The following CETP variants were observed in gnomAD, a reference collection of about 807,000 sequenced individuals.
CETP encodes the protein BPI fold containing family F.
Under a neutral mutation model 66.5 loss-of-function variants are expected in CETP, and 56 were observed. The observed-to-expected ratio is 0.84, with a 90% CI of 0.68 to 1.05. The LOEUF is 1.05. CETP is among the 50% of genes least tolerant of loss of function. CETP has a pLI of 0.00. For synonymous variants in CETP, 251 were observed against 245.7 expected, an observed-to-expected ratio of 1.02 and a Z score of -0.20; for missense variants, 612 against 609.6, an observed-to-expected ratio of 1.00 and a Z score of -0.04.
Position 56,962,999 on chromosome 16 carries a change from CT to C in CETP, c.119-10del. ...GGCCTGCAGCCCCTCATCCACTGCC[CT>C]CCCCTCTAGTGAACCACGAGACTGC... is the stretch of plus-strand genomic sequence containing the variant. On this transcript the variant is annotated splice_polypyrimidine_tract_variant and intron_variant, in intron 1 of 15. Transcript: ENST00000200676. The C allele has an allele frequency of 6.2e-7, 1 of 1,612,306 alleles. No homozygotes were observed. Among genetic ancestry groups the C allele is most frequent in the Admixed American group, 1.7e-5 (1 of 60,020 alleles).
chr16:56,974,237 A>G (rs1461660158), intron 9 of CETP, among the ~76,000 whole-genome samples: 1 of 152,216 alleles, frequency 6.6e-6, no homozygotes, highest in Non-Finnish European at 1.5e-5. Flanking sequence ...CCAGGAGTTC[A>G]AGACCAGCCT....
intron 2 of CETP, among the ~76,000 whole-genome samples, chr16:56,966,967 C>A (rs2056071644): frequency 6.6e-6 from 1 of 151,990 alleles, no homozygotes; most frequent in Non-Finnish European, 1.5e-5. Context: ...TTATTGTATT[C>A]TGTGCGGAGG....
At chr16:56,979,621 G>A (rs530845144) in intron 11 of CETP, among the ~76,000 whole-genome samples, 81 of 151,534 alleles carry the variant, frequency 5.3e-4, no homozygotes, top group African/African-American at 1.9e-3. Context: ...AGCGATTCGC[G>A]TGCCTCAGCC....
chr16:56,975,879 T>A (rs182692424), intron 10 of CETP, among the ~76,000 whole-genome samples: 5 of 152,104 alleles, frequency 3.3e-5, no homozygotes, highest in South Asian at 2.1e-4. Flanking sequence ...CCAACAGAAC[T>A]TCCCCCCCAC....
chr16:56,981,088 T>G, intron 11 of CETP, 70 bp from the exon 12 acceptor site: 1 of 1,156,580 alleles, frequency 8.6e-7, no homozygotes, highest in Non-Finnish European at 1.3e-6. Context: ...TCAGGGGCCC[T>G]GAGCTAGGAG....
chr16:56,981,545 G>A (rs2142006414), intron 12 of CETP, 102 bp from the exon 13 acceptor site: 1 of 1,356,694 alleles, frequency 7.4e-7, no homozygotes, highest in Non-Finnish European at 1.1e-6. Flanking sequence ...CCTGAGCTAT[G>A]AGACAGAAGC....
At position 56,983,664 on chromosome 16, in the gene CETP, TAG is replaced by T; in HGVS notation, c.1482_*1del. On this transcript the variant is annotated frameshift_variant and stop_lost, in exon 16 of 16. Transcript: ENST00000200676. LOFTEE classifies it high-confidence loss of function. ...LLVDFLQSLS[*>X] The stretch of plus-strand genomic sequence containing the variant: ...GGTGGATTTCCTCCAGAGCTTGAGC[TAG>T]AAGTCTCCAAGGAGGTCGGGATGGG... 1 of 1,614,068 alleles carries T rather than the reference TAG, an allele frequency of 6.2e-7. No individual in the cohort carries two copies. The highest frequency in any genetic ancestry group is 8.5e-7 in the Non-Finnish European group (1 of 1,179,956).
At chr16:56,979,517 A>ATTTT (rs34279747) in intron 11 of CETP, among the ~76,000 whole-genome samples, 1 of 150,380 alleles carries the variant, frequency 6.6e-6, no homozygotes, top group Non-Finnish European at 1.5e-5. Context: ...AATATCTTCA[A>ATTTT]TTTTTTTTTT....
chr16:56,967,206 G>T (rs1156483862), intron 2 of CETP, among the ~76,000 whole-genome samples: 1 of 150,330 alleles, frequency 6.7e-6, no homozygotes, highest in Admixed American at 6.6e-5. Flanking sequence ...AATTAGCTGG[G>T]CATGATGGTG....
At chr16:56,973,639 T>C in intron 9 of CETP, 129 bp downstream of exon 9, 1 of 1,026,322 alleles carries the variant, frequency 9.7e-7, no homozygotes, top group Non-Finnish European at 1.4e-6. Flanking sequence ...GCTGGAGCAA[T>C]AGCAGTGAAG....
At chr16:56,969,325 C>A in intron 2 of CETP, 61 bp from the exon 3 acceptor site, 1 of 1,610,764 alleles carries the variant, frequency 6.2e-7, no homozygotes, top group Non-Finnish European at 8.5e-7. Flanking sequence ...AAATTGGAGG[C>A]TCACTCCTTG....
chr16:56,977,982 C>T, intron 10 of CETP, 109 bp from the exon 11 acceptor site: 3 of 1,401,274 alleles, frequency 2.1e-6, no homozygotes, highest in South Asian at 2.7e-5. Context: ...CTTCCTTTTC[C>T]CCAGCCCTGG....
At chr16:56,983,278 G>T (rs2056201196) in intron 14 of CETP, 48 bp from the exon 15 acceptor site, 1 of 1,553,766 alleles carries the variant, frequency 6.4e-7, no homozygotes, top group African/African-American at 1.4e-5. Flanking sequence ...CCTCGGGCCG[G>T]CCTTGCTCCC....
intron 5 of CETP, 120 bp from the exon 6 acceptor site, chr16:56,970,913 T>A: frequency 1.1e-6 from 1 of 905,990 alleles, no homozygotes; most frequent in Non-Finnish European, 1.8e-6. Context: ...TGATAATTCT[T>A]ACTTCCTGAG....
chr16:56,981,268 CCT>C (rs771489064), intron 12 of CETP, 43 bp downstream of exon 12: 1 of 1,483,118 alleles, frequency 6.7e-7, no homozygotes, highest in Non-Finnish European at 9.4e-7. Flanking sequence ...ACTCCGCAAA[CCT>C]CTCCCTGGCC....
chr16:56,974,897 G>A (rs2056138601), intron 9 of CETP, among the ~76,000 whole-genome samples: 3 of 152,234 alleles, frequency 2.0e-5, no homozygotes, highest in Non-Finnish European at 2.9e-5. Flanking sequence ...GGGGCACAGT[G>A]GGGAGCAGAA....
intron 8 of CETP, 92 bp downstream of exon 8, chr16:56,972,175 C>T (rs2056116307): frequency 1.1e-5 from 10 of 939,808 alleles, no homozygotes; most frequent in Non-Finnish European, 1.5e-5. Flanking sequence ...CCAGCTTCAA[C>T]CTTATGGCAG....
Position 56,981,171 on chromosome 16 carries a change from C to G in CETP, c.1160C>G (p.Thr387Ser). The G allele has an allele frequency of 1.2e-6, 2 of 1,613,524 alleles. No individual in the cohort carries two copies. The highest frequency in any genetic ancestry group is 2.2e-5 in the South Asian group (2 of 91,064). ...TTCTCTCCCCAGGATATCGTGACTA[C>G]CGTCCAGGCCTCCTATTCTAAGAAA... is the stretch of plus-strand genomic sequence containing the variant. Reference protein sequence around the residue: ...AYTFEEDIVTTVQASYSKKKL... With the variant: ...AYTFEEDIVTSVQASYSKKKL... The change falls in exon 12 of 16, where the codon ACC becomes AGC. Residue 387 changes from threonine (T) to serine (S), a missense_variant. Thr to Ser is a moderately conservative substitution (Grantham distance 58, BLOSUM62 1). Coordinates refer to ENST00000200676, the MANE Select transcript of CETP (RefSeq NM_000078.3).
chr16:56,976,566 G>C (rs555609450), intron 10 of CETP, among the ~76,000 whole-genome samples: 1 of 151,454 alleles, frequency 6.6e-6, no homozygotes, highest in South Asian at 2.1e-4. Context: ...CCACCTTCCG[G>C]GTTCAAGCAA....
Sources: gnomAD v4.1 joint callset for allele counts (sites outside exome capture counted in the v4.1 genomes callset) on GRCh38, gnomAD v4.1.1 for gene constraint, MANE v1.5 for transcripts, NCBI Gene and HGNC (gene_info 2026-07-23, HGNC 2026-07-21) for gene names.